Variants in ATP13A3 observed in about 807,000 individuals in gnomAD.
The protein encoded by ATP13A3 is polyamine-transporting ATPase 13A3.
A neutral mutation model predicts 158.1 loss-of-function variants in ATP13A3; 59 were observed. The observed-to-expected ratio is 0.37, with a 90% CI of 0.30 to 0.46. The LOEUF (loss-of-function observed/expected upper bound fraction) is 0.46. Ranked by LOEUF, ATP13A3 falls within the 20% of genes least tolerant of loss-of-function variation. The pLI is 1.00. For missense variants in ATP13A3, 1,166 were observed against 1,525.2 expected, an observed-to-expected ratio of 0.76 and a Z score of 3.92; for synonymous variants, 491 against 504.3, an observed-to-expected ratio of 0.97 and a Z score of 0.35.
At chr3:194,438,701 C>T (rs535804656) in intron 17 of ATP13A3, among the ~76,000 whole-genome samples, 155 bp downstream of exon 17, 2 of 152,098 alleles carry the variant, frequency 1.3e-5, no homozygotes, top group East Asian at 3.9e-4. Context: ...CTTGGGGAGG[C>T]CAAGGTTGAG....
At chr3:194,483,290 GAA>G (rs199830648) in intron 2 of ATP13A3, among the ~76,000 whole-genome samples, 6 of 146,162 alleles carry the variant, frequency 4.1e-5, no homozygotes, top group Non-Finnish European at 3.0e-5. Context: ...TCTCTGGGGG[GAA>G]AAAAAAAGAA....
intron 2 of ATP13A3, among the ~76,000 whole-genome samples, chr3:194,462,970 A>G (rs1719762908): frequency 6.6e-6 from 1 of 152,234 alleles, no homozygotes; most frequent in South Asian, 2.1e-4. Flanking sequence ...TAGTTTAACC[A>G]TCTTGAGCTA....
Position 194,421,114 on chromosome 3 carries a change from GTATATATATATATATATATATAGTATA to G in ATP13A3, c.3314-1174_3314-1148del, listed in dbSNP as rs1435766252. Among the ~76,000 whole-genome samples, 3 of 8,112 alleles carry G rather than the reference GTATATATATATATATATATATAGTATA, an allele frequency of 3.7e-4. 1 individual carries two copies. Among genetic ancestry groups the G allele is most frequent in the African/African-American group, 1.1e-3 (2 of 1,746 alleles). The allele number at this position is 8,112 out of a possible 152,430, so 5.3% of individuals were successfully genotyped here. On this transcript the variant is annotated intron_variant, in intron 30 of 33. Coordinates refer to ENST00000645319, the MANE Select transcript of ATP13A3 (RefSeq NM_001367549.1). ...GTTTATATATACCAGTGTGTAGGGT[GTATATATATATATATATATATAGTATA>G]TATATATATATATATATATATATAT...
At chr3:194,451,469 G>GT (rs1390574892) in intron 10 of ATP13A3, 3 of 152,188 alleles carry the variant, frequency 2.0e-5, no homozygotes, top group African/African-American at 7.2e-5. Flanking sequence ...AAGTTGAATG[G>GT]TATGTCTGCC....
At chr3:194,476,307 A>G (rs1720520460) in intron 2 of ATP13A3, among the ~76,000 whole-genome samples, 1 of 152,076 alleles carries the variant, frequency 6.6e-6, no homozygotes, top group Non-Finnish European at 1.5e-5. Flanking sequence ...GATGGCAACT[A>G]CCAATTCACA....
intron 24 of ATP13A3, 152 bp from the exon 25 acceptor site, chr3:194,430,467 G>A (rs1267486110): frequency 2.3e-6 from 2 of 876,716 alleles, no homozygotes; most frequent in African/African-American, 3.4e-5. Flanking sequence ...AATGAACACA[G>A]GTGTGCTGCT....
At chr3:194,465,819 CACACACACAA>C (rs1308897103) in intron 2 of ATP13A3, among the ~76,000 whole-genome samples, 2 of 151,100 alleles carry the variant, frequency 1.3e-5, no homozygotes, top group East Asian at 3.9e-4. Flanking sequence ...CACACACACA[CACACACACAA>C]AAATTAGCCA....
upstream of ATP13A3, chr3:194,487,006 G>C (rs942962225): frequency 6.6e-6 from 1 of 152,096 alleles, no homozygotes; most frequent in South Asian, 2.1e-4. Context: ...CAGGACTCCC[G>C]CGCCGGATGT....
chr3:194,431,641 T>C (rs759725431), intron 22 of ATP13A3, 76 bp downstream of exon 22: 3 of 1,373,466 alleles, frequency 2.2e-6, no homozygotes, highest in South Asian at 1.7e-5. Context: ...TGTGTTTTAA[T>C]GCACCACTTT....
In ATP13A3 at chr3:194,448,587, A is replaced by G. The variant is rs1718569763; in HGVS notation, c.1020T>C (p.Asp340=). The G allele has an allele frequency of 4.3e-6, 7 of 1,613,636 alleles. No individual in the cohort carries two copies. The South Asian group carries it at 5.5e-5, about 13-fold the overall frequency. ...TKTNLPNPSV[D]VKGIGDELYN... is the part of the protein sequence containing the mutation. ...ATAATTCATCTCCTATTCCTTTCAC[A>G]TCCACTGAAGGATTTGGCAAATTAG... The change falls in exon 12 of 34, where the codon GAT becomes GAC. Residue 340 remains aspartate (D), a synonymous_variant. Transcript: ENST00000645319. This position sits in a 1 kb window ranked among gnomAD's most constrained non-coding sequence, Gnocchi z 4.0.
chr3:194,413,549 C>G (rs1715593064), intron 32 of ATP13A3, among the ~76,000 whole-genome samples: 1 of 152,204 alleles, frequency 6.6e-6, no homozygotes, highest in Non-Finnish European at 1.5e-5. Flanking sequence ...TTTCTCCTAT[C>G]TGTGTGAGTG....
At position 194,474,843 on chromosome 3, in the gene ATP13A3, C is replaced by T. The variant is rs183653200; in HGVS notation, c.-47+10951G>A. ...GGCAAGTGGCTGCTGTGATGCGGTGCTCACTGCACACTCATGCTTCACACT... is the reference window on the plus strand; with the variant it reads ...GGCAAGTGGCTGCTGTGATGCGGTGTTCACTGCACACTCATGCTTCACACT... On this transcript the variant is annotated intron_variant, in intron 2 of 33. Transcript: ENST00000645319. 3.4e-4 allele frequency among the ~76,000 whole-genome samples: 52 copies of T among 152,316 alleles called. No individual in the cohort carries two copies. In the East Asian group the frequency reaches 5.4e-3, roughly 16 times the overall value.
At chr3:194,409,693 A>ATTTTGTTTTTTTT (rs1715208439) in intron 33 of ATP13A3, among the ~76,000 whole-genome samples, 1 of 93,986 alleles carries the variant, frequency 1.1e-5, no homozygotes, top group African/African-American at 4.9e-5. Context: ...GACGTAAAGA[A>ATTTTGTTTTTTTT]TTTTTTTTTT....
At chr3:194,426,594 G>A (rs1468254649) in intron 29 of ATP13A3, among the ~76,000 whole-genome samples, 2 of 152,090 alleles carry the variant, frequency 1.3e-5, no homozygotes, top group African/African-American at 4.8e-5. Context: ...TCCCCATTTT[G>A]GTAGGATTAT....
In ATP13A3 at chr3:194,432,590, A is replaced by G. The variant is rs540906249; in HGVS notation, c.2246-698T>C. ...GCAAGGGGAAAATAAATAAATAAAT[A>G]AAAGAGGAGGACGAGGAACAGGTGA... On this transcript the variant is annotated intron_variant, in intron 21 of 33. Transcript: ENST00000645319. Among the ~76,000 whole-genome samples the G allele has an allele frequency of 2.3e-4, 35 of 152,354 alleles. 1 individual carries two copies. The South Asian group carries it at 7.0e-3, about 31-fold the overall frequency.
Position 194,448,516 on chromosome 3 carries a change from G to A in ATP13A3, c.1091C>T (p.Thr364Ile). 1 of 1,614,052 alleles carries A rather than the reference G, an allele frequency of 6.2e-7. No homozygotes were observed. The highest frequency in any genetic ancestry group is 8.5e-7 in the Non-Finnish European group (1 of 1,179,980). ...AGTGTAGAAACGAGTCTGAATAACA[G>A]TTGTCCCACAAAACAAAGTATGTCG... ...HKRHTLFCGT[T>I]VIQTRFYTGE... Residue 364 changes from threonine to isoleucine, a missense_variant, in exon 12 of 34, where the codon ACT becomes ATT. Transcript: ENST00000645319. The surrounding 1 kb of genome is among the most constrained non-coding windows in gnomAD (Gnocchi z 4.0).
chr3:194,482,891 A>C (rs1200251836), intron 2 of ATP13A3, among the ~76,000 whole-genome samples: 1 of 152,062 alleles, frequency 6.6e-6, no homozygotes, highest in East Asian at 1.9e-4. Context: ...GCGGATCACA[A>C]GGTCAGGAGT....
chr3:194,432,138 T>C (rs2108820585), intron 21 of ATP13A3: 1 of 406,698 alleles, frequency 2.5e-6, no homozygotes, highest in East Asian at 4.2e-5. Flanking sequence ...TAAAGCCAAA[T>C]ATAATTCTCA....
intron 30 of ATP13A3, among the ~76,000 whole-genome samples, chr3:194,421,924 C>A (rs1325073074): frequency 1.6e-5 from 2 of 125,868 alleles, no homozygotes; most frequent in African/African-American, 7.5e-5. Context: ...CGACCTGGTT[C>A]TTGACATGTG....
Sources: allele counts gnomAD v4.1 joint callset (sites outside exome capture counted in the v4.1 genomes callset), GRCh38; gene constraint gnomAD v4.1.1; non-coding constraint Gnocchi (gnomAD v3.1); transcripts MANE v1.5; gene names NCBI Gene and HGNC (gene_info 2026-07-23, HGNC 2026-07-21).